ENOX1: variants seen among roughly 807,000 people sequenced by gnomAD.
ENOX1 encodes the protein candidate growth-related and time keeping constitutive hydroquinone (NADH) oxidase.
A neutral mutation model predicts 82.5 loss-of-function variants in ENOX1; 42 were observed. The ratio of observed to expected loss-of-function variants is 0.51; its 90% CI spans 0.40 to 0.66. The LOEUF is 0.66. Ranked by LOEUF, ENOX1 falls within the 30% of genes least tolerant of loss-of-function variation. The probability of loss-of-function intolerance (pLI) is 0.00; values close to 1 mark genes in which losing one functional copy is unlikely to be tolerated. For missense variants in ENOX1, 608 were observed against 811.6 expected (o/e 0.75, Z 3.05); for synonymous variants, 271 against 282.2 (o/e 0.96, Z 0.40).
intron 1 of ENOX1, among the ~76,000 whole-genome samples, chr13:43,741,856 G>GTT (rs1949758250): frequency 6.6e-6 from 1 of 152,234 alleles, no homozygotes; most frequent in Admixed American, 6.5e-5. Flanking sequence ...TCTTCTAATA[G>GTT]TTTTATAGCT....
chr13:43,493,491 C>G (rs548355291), intron 2 of ENOX1, among the ~76,000 whole-genome samples: 20 of 152,348 alleles, frequency 1.3e-4, no homozygotes, highest in African/African-American at 4.6e-4. Flanking sequence ...TGATATCCAA[C>G]AGCAGAAGGA....
intron 3 of ENOX1, among the ~76,000 whole-genome samples, chr13:43,470,377 C>CACATATATATGTATATATATATGT (rs1555290142): frequency 1.1e-4 from 3 of 27,054 alleles, no homozygotes; most frequent in African/African-American, 2.5e-4. Context: ...TATATATATA[C>CACATATATATGTATATATATATGT]ATATATATAC....
intron 2 of ENOX1, among the ~76,000 whole-genome samples, chr13:43,581,639 G>A (rs895885631): frequency 2.0e-5 from 3 of 152,086 alleles, no homozygotes; most frequent in East Asian, 1.9e-4. Context: ...TATTGATTAC[G>A]AGTGATACTT....
intron 1 of ENOX1, among the ~76,000 whole-genome samples, chr13:43,713,734 G>T (rs2153814823): frequency 6.6e-6 from 1 of 151,618 alleles, no homozygotes; most frequent in South Asian, 2.1e-4. Flanking sequence ...ATGGTAGTTT[G>T]TATTTCTGTG....
chr13:43,488,990 G>T (rs555819268), intron 2 of ENOX1, among the ~76,000 whole-genome samples: 2 of 152,280 alleles, frequency 1.3e-5, no homozygotes, highest in Admixed American at 6.5e-5. Context: ...GAAATTTTCA[G>T]CTTGGACATG....
intron 16 of ENOX1, among the ~76,000 whole-genome samples, chr13:43,219,303 G>A (rs116585279): frequency 3.9e-4 from 59 of 152,274 alleles, no homozygotes; most frequent in Non-Finnish European, 6.5e-4. Context: ...TGCAATACAC[G>A]TGGTTAAGGG....
intron 1 of ENOX1, among the ~76,000 whole-genome samples, chr13:43,762,276 T>C (rs937858585): frequency 6.6e-6 from 1 of 152,186 alleles, no homozygotes; most frequent in Admixed American, 6.5e-5. Context: ...AGTTTTCCCA[T>C]TGCTCCCTGT....
intron 3 of ENOX1, among the ~76,000 whole-genome samples, chr13:43,468,615 C>T (rs2057848382): frequency 6.9e-6 from 1 of 145,786 alleles, no homozygotes; most frequent in African/African-American, 2.5e-5. Flanking sequence ...TATAGTGAGA[C>T]CCCATTCTCC....
chr13:43,646,267 G>A (rs1202578387), intron 2 of ENOX1, among the ~76,000 whole-genome samples: 1 of 152,172 alleles, frequency 6.6e-6, no homozygotes, highest in African/African-American at 2.4e-5. Context: ...AATCAGGCAG[G>A]CTAACTTGTT....
chr13:43,225,960 T>G (rs2153453182), intron 15 of ENOX1, among the ~76,000 whole-genome samples: 1 of 152,342 alleles, frequency 6.6e-6, no homozygotes, highest in African/African-American at 2.4e-5. Context: ...AAATGTCCTT[T>G]TTTGAAATAA....
intron 15 of ENOX1, among the ~76,000 whole-genome samples, chr13:43,232,222 C>T (rs34931453): frequency 6.6e-6 from 1 of 151,762 alleles, no homozygotes; most frequent in Non-Finnish European, 1.5e-5. Context: ...GCGTGAGCCA[C>T]CACACCTGTG....
chr13:43,647,087 T>C (rs182519896), intron 2 of ENOX1, among the ~76,000 whole-genome samples: 27 of 152,218 alleles, frequency 1.8e-4, no homozygotes, highest in African/African-American at 5.8e-4. Flanking sequence ...TTGGCTACTC[T>C]CTAATGGACC....
Position 43,344,769 on chromosome 13 carries a change from C to T in ENOX1, c.824-19G>A. 6.2e-7 allele frequency: 1 copy of T among 1,607,948 alleles called. No homozygotes were observed. Among genetic ancestry groups the T allele is most frequent in the Non-Finnish European group, 8.5e-7 (1 of 1,174,512 alleles). On this transcript the variant is annotated intron_variant, in intron 8 of 16. Transcript: ENST00000690772. ...CTATCATCTGGAAATGGAAAACCAC[C>T]AAGTACAAATCATGCCAAGATGAGA...
chr13:43,729,338 A>G (rs141971778), intron 1 of ENOX1, among the ~76,000 whole-genome samples: 7 of 152,296 alleles, frequency 4.6e-5, no homozygotes, highest in African/African-American at 1.4e-4. Flanking sequence ...GGCATTTGTG[A>G]TAATTCAGCT....
intron 1 of ENOX1, among the ~76,000 whole-genome samples, chr13:43,716,018 C>T (rs1046944042): frequency 5.9e-5 from 9 of 152,184 alleles, no homozygotes; most frequent in East Asian, 3.9e-4. Context: ...TCCTGTAGCT[C>T]GGAATAGTTT....
At chr13:43,551,698 A>G (rs1198159270) in intron 2 of ENOX1, among the ~76,000 whole-genome samples, 1 of 152,202 alleles carries the variant, frequency 6.6e-6, no homozygotes, top group Non-Finnish European at 1.5e-5. Flanking sequence ...TCACCCGATC[A>G]TGATGGCAAA....
chr13:43,374,844 GTT>G (rs1349952081), intron 5 of ENOX1, among the ~76,000 whole-genome samples: 1 of 152,204 alleles, frequency 6.6e-6, no homozygotes, highest in African/African-American at 2.4e-5. Flanking sequence ...ATAGGCTGTG[GTT>G]TACACTATCC....
At chr13:43,366,222 A>T (rs895094331) in intron 5 of ENOX1, among the ~76,000 whole-genome samples, 1 of 152,192 alleles carries the variant, frequency 6.6e-6, no homozygotes, top group Non-Finnish European at 1.5e-5. Context: ...TGAACATTTT[A>T]AAAAAGGTGA....
At chr13:43,781,837 T>C (rs1378554901) in intron 1 of ENOX1, among the ~76,000 whole-genome samples, 1 of 152,172 alleles carries the variant, frequency 6.6e-6, no homozygotes, top group Non-Finnish European at 1.5e-5. Flanking sequence ...TAAGAGTCTG[T>C]AGGACCTTAA....
Sources: gnomAD v4.1 joint callset for allele counts (sites outside exome capture counted in the v4.1 genomes callset) on GRCh38, gnomAD v4.1.1 for gene constraint, MANE v1.5 for transcripts, NCBI Gene and HGNC (gene_info 2026-07-23, HGNC 2026-07-21) for gene names.